The following CEP192 variants were observed in gnomAD, a reference collection of about 807,000 sequenced individuals.
The protein encoded by CEP192 is centrosomal protein of 192 kDa.
Under a neutral mutation model 271.8 loss-of-function variants are expected in CEP192, and 151 were observed. The ratio of observed to expected loss-of-function variants is 0.56; its 90% confidence interval spans 0.49 to 0.64. The LOEUF is 0.64. Among genes scored for constraint, CEP192 ranks in the 30% least tolerant of loss-of-function variants. The pLI is 0.00. For synonymous variants in CEP192, 995 were observed against 1,076.5 expected (o/e 0.92, Z 1.48); for missense variants, 2,910 against 3,020.5 (o/e 0.96, Z 0.86).
At chr18:13,004,816 T>A (rs2033878310) in intron 3 of CEP192, among the ~76,000 whole-genome samples, 1 of 151,956 alleles carries the variant, frequency 6.6e-6, no homozygotes. Context: ...GCTGTAGGAG[T>A]GCAGGTGAAG....
chr18:13,043,234 TC>T (rs1342968621), intron 15 of CEP192, among the ~76,000 whole-genome samples: 1 of 152,220 alleles, frequency 6.6e-6, no homozygotes, highest in Admixed American at 6.5e-5. Context: ...AATGGACAGT[TC>T]GTTTTATTTG....
In CEP192 at chr18:13,096,236, A is replaced by G; in HGVS notation, c.6486A>G (p.Leu2162=). ...AGATTGTGAATAACTCTGTGAGGTT[A>G]CTGAGATTTGAGCTGTGCTGGCCAG... The part of the protein sequence containing the change: ...RFQIVNNSVR[L]LRFELCWPAH... Residue 2162 remains leucine (L), a synonymous_variant, in exon 36 of 45, where the codon TTA becomes TTG. Coordinates refer to ENST00000506447, the MANE Select transcript of CEP192 (RefSeq NM_032142.4). 1 of 1,614,210 alleles carries G rather than the reference A, an allele frequency of 6.2e-7. No individual in the cohort carries two copies. The highest frequency in any genetic ancestry group is 1.3e-5 in the African/African-American group (1 of 75,070).
intron 27 of CEP192, 37 bp from the exon 28 acceptor site, chr18:13,071,002 A>G: frequency 6.4e-7 from 1 of 1,571,056 alleles, no homozygotes; most frequent in Non-Finnish European, 8.7e-7. Context: ...AAAGAATTGA[A>G]TACAGGACCT....
chr18:13,001,546 CAA>C lies in CEP192; in HGVS notation c.255_256del (p.Arg88ValfsTer4). On this transcript the variant is annotated frameshift_variant, in exon 3 of 45. Coordinates refer to ENST00000506447, the MANE Select transcript of CEP192 (RefSeq NM_032142.4). LOFTEE classifies it high-confidence loss of function. ...CCCGGAAGCCAGAGTGATGCTGAAC[CAA>C]GAGAGAGGTTACAGCTTAGCTTCCA... The C allele has an allele frequency of 6.4e-7, 1 of 1,550,598 alleles. No homozygotes were observed. Among genetic ancestry groups the C allele is most frequent in the Non-Finnish European group, 8.7e-7 (1 of 1,146,652 alleles).
chr18:13,095,323 A>G (rs952789428), intron 34 of CEP192, among the ~76,000 whole-genome samples, 180 bp from the exon 35 acceptor site: 2 of 152,212 alleles, frequency 1.3e-5, no homozygotes, highest in African/African-American at 4.8e-5. Context: ...TAAACTATAC[A>G]CAATATGAAT....
chr18:13,026,418 C>G (rs887386381), intron 9 of CEP192, among the ~76,000 whole-genome samples: 2 of 152,066 alleles, frequency 1.3e-5, no homozygotes, highest in Non-Finnish European at 2.9e-5. Context: ...CTGTGAGCTT[C>G]CCGGTATGTG....
intron 40 of CEP192, among the ~76,000 whole-genome samples, chr18:13,106,221 C>T (rs1340985637): frequency 6.6e-6 from 1 of 152,036 alleles, no homozygotes; most frequent in Non-Finnish European, 1.5e-5. Context: ...CAACTATGAT[C>T]CCCCATTACT....
chr18:13,042,776 A>C (rs1303251626), intron 15 of CEP192, among the ~76,000 whole-genome samples: 1 of 152,182 alleles, frequency 6.6e-6, no homozygotes, highest in Non-Finnish European at 1.5e-5. Flanking sequence ...AGTATAATAT[A>C]AACTTATTTT....
At chr18:13,091,280 A>G (rs1310514170) in intron 33 of CEP192, among the ~76,000 whole-genome samples, 2 of 152,230 alleles carry the variant, frequency 1.3e-5, no homozygotes, top group Non-Finnish European at 2.9e-5. Context: ...GACACAGCCA[A>G]CCAAGAGCTC....
chr18:13,001,032 G>T (rs2033611771), intron 2 of CEP192, among the ~76,000 whole-genome samples: 1 of 152,134 alleles, frequency 6.6e-6, no homozygotes, highest in Non-Finnish European at 1.5e-5. Context: ...TTGATGTTTG[G>T]TTAAATACAC....
chr18:13,112,834 A>C (rs1479733937), intron 40 of CEP192, among the ~76,000 whole-genome samples: 1 of 152,254 alleles, frequency 6.6e-6, no homozygotes, highest in Admixed American at 6.5e-5. Flanking sequence ...GTTTAAGTCC[A>C]GACTCAGGAA....
At chr18:13,091,977 G>A (rs2039167723) in intron 33 of CEP192, among the ~76,000 whole-genome samples, 1 of 152,090 alleles carries the variant, frequency 6.6e-6, no homozygotes, top group South Asian at 2.1e-4. Flanking sequence ...TATATATAAA[G>A]GGATTAGAAC....
chr18:13,033,524 G>A (rs1270470274), intron 11 of CEP192, among the ~76,000 whole-genome samples: 12 of 152,296 alleles, frequency 7.9e-5, no homozygotes, highest in South Asian at 6.2e-4. Flanking sequence ...GCAAAGTTAC[G>A]CATGTACTAT....
chr18:13,034,989 G>A (rs895291650), intron 11 of CEP192, among the ~76,000 whole-genome samples: 4 of 152,134 alleles, frequency 2.6e-5, no homozygotes, highest in African/African-American at 9.7e-5. Flanking sequence ...GGCCTCGGAA[G>A]CATTCAGTAC....
At chr18:13,065,153 TTTTTAATCAG>T (rs941329061) in intron 21 of CEP192, among the ~76,000 whole-genome samples, 71 of 151,390 alleles carry the variant, frequency 4.7e-4, no homozygotes, top group African/African-American at 1.6e-3. Context: ...TACTGAAAGT[TTTTTAATCAG>T]TTCTAATAGT....
intron 36 of CEP192, among the ~76,000 whole-genome samples, chr18:13,099,007 G>A (rs918382675): frequency 3.3e-5 from 5 of 152,204 alleles, no homozygotes; most frequent in Admixed American, 6.5e-5. Context: ...GCGAAACCCC[G>A]TCTCCACCAA....
chr18:13,108,433 A>G (rs959285721), intron 40 of CEP192, among the ~76,000 whole-genome samples: 2 of 152,236 alleles, frequency 1.3e-5, no homozygotes, highest in Admixed American at 6.5e-5. Context: ...CCCAGGATCT[A>G]TAAGGAACTT....
intron 33 of CEP192, among the ~76,000 whole-genome samples, chr18:13,091,596 T>G (rs2039149222): frequency 6.6e-6 from 1 of 152,236 alleles, no homozygotes; most frequent in African/African-American, 2.4e-5. Context: ...CATGTATTTT[T>G]GTAGTTGATT....
At chr18:13,040,185 TGTG>T (rs776314855) in intron 13 of CEP192, among the ~76,000 whole-genome samples, 1 of 152,202 alleles carries the variant, frequency 6.6e-6, no homozygotes, top group Non-Finnish European at 1.5e-5. Context: ...GAATTTTTGT[TGTG>T]GTATAAGTGA....
Sources: allele counts gnomAD v4.1 joint callset (sites outside exome capture counted in the v4.1 genomes callset), GRCh38; gene constraint gnomAD v4.1.1; transcripts MANE v1.5; gene names NCBI Gene and HGNC (gene_info 2026-07-23, HGNC 2026-07-21).